The following LRRTM4 variants were observed in gnomAD, a reference collection of about 807,000 sequenced individuals.
LRRTM4 encodes leucine-rich repeat transmembrane neuronal protein 4.
A neutral mutation model predicts 47.6 loss-of-function variants in LRRTM4; 25 were observed. The observed-to-expected ratio is 0.53, with a 90% CI of 0.38 to 0.73. The LOEUF (loss-of-function observed/expected upper bound fraction) is 0.73. Among genes scored for constraint, LRRTM4 ranks in the 30% least tolerant of loss-of-function variants. The probability of loss-of-function intolerance (pLI) is 0.00; values close to 1 mark genes in which losing one functional copy is unlikely to be tolerated. For missense variants in LRRTM4, 638 were observed against 713.4 expected, an observed-to-expected ratio of 0.89 and a Z score of 1.20; for synonymous variants, 311 against 269.5, an observed-to-expected ratio of 1.15 and a Z score of -1.51.
intron 3 of LRRTM4, among the ~76,000 whole-genome samples, chr2:76,802,081 T>C (rs1675726261): frequency 6.6e-6 from 1 of 152,086 alleles, no homozygotes; most frequent in South Asian, 2.1e-4. Context: ...ATGCCCACTA[T>C]TGCCACTTTT....
At chr2:76,987,196 G>C (rs1235648329) in intron 3 of LRRTM4, among the ~76,000 whole-genome samples, 1 of 151,728 alleles carries the variant, frequency 6.6e-6, no homozygotes, top group African/African-American at 2.4e-5. Context: ...TTTTTAAGAA[G>C]TATTGTTTCT....
chr2:77,304,932 A>G (rs1002336192), intron 3 of LRRTM4, among the ~76,000 whole-genome samples: 8 of 152,076 alleles, frequency 5.3e-5, no homozygotes, highest in Non-Finnish European at 1.0e-4. Flanking sequence ...TTAAAACGAT[A>G]TCATTTAAGG....
intron 3 of LRRTM4, among the ~76,000 whole-genome samples, chr2:77,384,313 AT>A (rs1006272570): frequency 6.6e-6 from 1 of 151,860 alleles, no homozygotes; most frequent in Admixed American, 6.6e-5. Flanking sequence ...TAAGGTTTCA[AT>A]TTGAATTTCA....
At chr2:77,354,806 A>T (rs540055175) in intron 3 of LRRTM4, among the ~76,000 whole-genome samples, 1 of 152,180 alleles carries the variant, frequency 6.6e-6, no homozygotes, top group African/African-American at 2.4e-5. Context: ...CAGCTCTTCT[A>T]CCTCTCAATC....
At chr2:77,280,241 G>A (rs1676471975) in intron 3 of LRRTM4, among the ~76,000 whole-genome samples, 1 of 151,960 alleles carries the variant, frequency 6.6e-6, no homozygotes, top group Non-Finnish European at 1.5e-5. Context: ...GCCTCTAGAA[G>A]CCGGAAAAGG....
intron 3 of LRRTM4, among the ~76,000 whole-genome samples, chr2:77,385,894 C>G (rs378029): frequency 0.43 from 65,016 of 150,574 alleles, 14,294 homozygotes; most frequent in East Asian, 0.63. Context: ...ATTACAGGTG[C>G]CTGCCACCAC....
At chr2:77,432,795 G>A (rs2103909016) in intron 3 of LRRTM4, among the ~76,000 whole-genome samples, 1 of 152,296 alleles carries the variant, frequency 6.6e-6, no homozygotes, top group East Asian at 1.9e-4. Flanking sequence ...TTGGTAAGAA[G>A]AGTCAGAGTC....
At chr2:77,129,578 G>A (rs547294977) in intron 3 of LRRTM4, among the ~76,000 whole-genome samples, 1 of 152,258 alleles carries the variant, frequency 6.6e-6, no homozygotes, top group South Asian at 2.1e-4. Flanking sequence ...GTTTATATCA[G>A]TAAATGCATC....
At chr2:77,214,519 A>T (rs564396611) in intron 3 of LRRTM4, among the ~76,000 whole-genome samples, 1 of 152,134 alleles carries the variant, frequency 6.6e-6, no homozygotes, top group Non-Finnish European at 1.5e-5. Flanking sequence ...AGGCCTCCTT[A>T]AATAGGCTCT....
chr2:77,368,869 T>C (rs1156857522), intron 3 of LRRTM4, among the ~76,000 whole-genome samples: 1 of 151,728 alleles, frequency 6.6e-6, no homozygotes, highest in Non-Finnish European at 1.5e-5. Flanking sequence ...AGGGGAAGAA[T>C]TGCTAGATCG....
intron 3 of LRRTM4, among the ~76,000 whole-genome samples, chr2:76,797,493 A>T (rs1004591564): frequency 1.3e-5 from 2 of 152,184 alleles, no homozygotes; most frequent in African/African-American, 2.4e-5. Flanking sequence ...AACAACCGGT[A>T]TCAGCTGCTG....
chr2:76,988,849 C>A (rs561112046), intron 3 of LRRTM4, among the ~76,000 whole-genome samples: 2 of 147,290 alleles, frequency 1.4e-5, no homozygotes, highest in Non-Finnish European at 3.0e-5. Flanking sequence ...ACTATTAATT[C>A]TTTTCTGGGA....
intron 3 of LRRTM4, among the ~76,000 whole-genome samples, chr2:77,437,570 C>T (rs977881338): frequency 1.3e-5 from 2 of 152,062 alleles, no homozygotes; most frequent in African/African-American, 2.4e-5. Flanking sequence ...CGAGTAAGAA[C>T]ATTTAACTCA....
intron 3 of LRRTM4, among the ~76,000 whole-genome samples, chr2:77,121,825 A>G (rs1671529255): frequency 6.6e-6 from 1 of 151,882 alleles, no homozygotes. Context: ...AAGATAAGCA[A>G]TGATTTAGAC....
At chr2:76,769,605 A>C (rs1300049843) in intron 3 of LRRTM4, among the ~76,000 whole-genome samples, 4 of 152,158 alleles carry the variant, frequency 2.6e-5, no homozygotes, top group Non-Finnish European at 5.9e-5. Context: ...GTTCTTTATC[A>C]CATTGGTCCA....
chr2:77,323,648 A>C (rs1012525679), intron 3 of LRRTM4, among the ~76,000 whole-genome samples: 3 of 152,138 alleles, frequency 2.0e-5, no homozygotes, highest in Admixed American at 2.0e-4. Flanking sequence ...TTTCATAGCT[A>C]AGGAAACAGA....
intron 3 of LRRTM4, among the ~76,000 whole-genome samples, chr2:77,099,449 T>G (rs1408580290): frequency 6.6e-6 from 1 of 151,952 alleles, no homozygotes; most frequent in African/African-American, 2.4e-5. Flanking sequence ...CTATATATAT[T>G]TGGGTGTGTG....
intron 3 of LRRTM4, among the ~76,000 whole-genome samples, chr2:76,832,800 T>C (rs1335020682): frequency 1.3e-5 from 2 of 152,040 alleles, no homozygotes; most frequent in African/African-American, 2.4e-5. Flanking sequence ...TTTATAGATA[T>C]GAATGATGAC....
chr2:76,816,941 A>G (rs1340514722), intron 3 of LRRTM4, among the ~76,000 whole-genome samples: 1 of 149,196 alleles, frequency 6.7e-6, no homozygotes, highest in East Asian at 2.0e-4. Context: ...GGAAGTGTAC[A>G]TGCAGAGTAT....
Sources: allele counts gnomAD v4.1 joint callset (sites outside exome capture counted in the v4.1 genomes callset), GRCh38; gene constraint gnomAD v4.1.1; transcripts MANE v1.5; gene names NCBI Gene and HGNC (gene_info 2026-07-23, HGNC 2026-07-21).